The following TRPM3 variants were observed in gnomAD, a reference collection of about 807,000 sequenced individuals.
The protein encoded by TRPM3 is transient receptor potential cation channel subfamily M member 3, also known as long transient receptor potential channel 3.
Under a neutral mutation model 181.2 loss-of-function variants are expected in TRPM3, and 77 were observed. That is an observed-to-expected ratio of 0.42 (90% confidence interval 0.35 to 0.51). TRPM3 has a LOEUF of 0.51. TRPM3 is among the 20% of genes least tolerant of loss of function. The probability of loss-of-function intolerance (pLI) is 0.01; values close to 1 mark genes in which losing one functional copy is unlikely to be tolerated. For synonymous variants in TRPM3, 745 were observed against 796.4 expected (o/e 0.94, Z 1.09); for missense variants, 1,759 against 2,196.7 (o/e 0.80, Z 3.98).
chr9:71,065,148 A>G (rs1331305744), intron 1 of TRPM3, among the ~76,000 whole-genome samples: 1 of 152,152 alleles, frequency 6.6e-6, no homozygotes, highest in African/African-American at 2.4e-5. Context: ...TCTCTGTACA[A>G]TGAACAATGC....
intron 1 of TRPM3, among the ~76,000 whole-genome samples, chr9:70,972,923 G>A (rs1433650384): frequency 6.6e-6 from 1 of 152,068 alleles, no homozygotes; most frequent in Non-Finnish European, 1.5e-5. Context: ...CCCATGTTCT[G>A]ACTTTGGAAT....
intron 22 of TRPM3, among the ~76,000 whole-genome samples, chr9:70,562,489 C>G (rs901676182): frequency 2.0e-5 from 3 of 152,178 alleles, no homozygotes; most frequent in African/African-American, 7.2e-5. Context: ...GGCTTCTGGT[C>G]TATCTGCTAT....
intron 21 of TRPM3, among the ~76,000 whole-genome samples, chr9:70,592,543 T>C (rs1217888178): frequency 6.6e-6 from 1 of 152,150 alleles, no homozygotes; most frequent in Non-Finnish European, 1.5e-5. Flanking sequence ...CATAAGTCAA[T>C]ATATCCCTTC....
chr9:70,827,736 A>T (rs41287377), intron 6 of TRPM3, 111 bp downstream of exon 6: 129,810 of 1,315,750 alleles, frequency 0.099, 7,228 homozygotes, highest in African/African-American at 0.15. Flanking sequence ...ATAATGGTTC[A>T]TGTTTAAAAC....
intron 21 of TRPM3, among the ~76,000 whole-genome samples, chr9:70,592,079 T>C (rs1362984615): frequency 6.6e-6 from 1 of 152,244 alleles, no homozygotes; most frequent in Non-Finnish European, 1.5e-5. Flanking sequence ...CTGTTTCTTA[T>C]ATGCCAAATT....
Position 70,814,558 on chromosome 9 carries a change from G to A in TRPM3, c.973+13289C>T, listed in dbSNP as rs114099548. On this transcript the variant is annotated intron_variant, in intron 6 of 25. Coordinates refer to ENST00000677713, the MANE Select transcript of TRPM3 (RefSeq NM_001366145.2). ...CCATTATAAAATGTAAGCATCAAAT[G>A]TATTACATTGGTCTCATCAGTTTTA... is the stretch of plus-strand genomic sequence containing the variant. Among the ~76,000 whole-genome samples the A allele has an allele frequency of 3.0e-3, 460 of 152,252 alleles. 1 individual carries two copies. The highest frequency in any genetic ancestry group is 9.7e-3 in the African/African-American group (402 of 41,540).
At chr9:70,753,521 T>C (rs772759617) in intron 8 of TRPM3, among the ~76,000 whole-genome samples, 18 of 152,074 alleles carry the variant, frequency 1.2e-4, no homozygotes, top group South Asian at 2.1e-4. Context: ...ATCAGGCACA[T>C]AGAATAGAGT....
chr9:71,200,851 T>C (rs1228440443), intron 1 of TRPM3, among the ~76,000 whole-genome samples: 1 of 151,170 alleles, frequency 6.6e-6, no homozygotes, highest in African/African-American at 2.4e-5. Context: ...TGTCTTTTAA[T>C]TGGAGAATTT....
chr9:70,966,866 A>C (rs1028427855), intron 1 of TRPM3, among the ~76,000 whole-genome samples: 1 of 152,114 alleles, frequency 6.6e-6, no homozygotes, highest in Non-Finnish European at 1.5e-5. Flanking sequence ...AAACCTGCAC[A>C]TGTATCCCTG....
intron 1 of TRPM3, among the ~76,000 whole-genome samples, chr9:71,393,389 A>G (rs1186483143): frequency 6.6e-6 from 1 of 152,186 alleles, no homozygotes; most frequent in Non-Finnish European, 1.5e-5. Flanking sequence ...GTTGAAAAGA[A>G]TAAAATAGAC....
intron 1 of TRPM3, among the ~76,000 whole-genome samples, chr9:71,190,852 G>A (rs1367330517): frequency 6.6e-6 from 1 of 151,790 alleles, no homozygotes; most frequent in Non-Finnish European, 1.5e-5. Flanking sequence ...CTTAAAGAAT[G>A]TGTTCAAATT....
At chr9:71,164,625 G>A (rs906629995) in intron 1 of TRPM3, among the ~76,000 whole-genome samples, 1 of 152,052 alleles carries the variant, frequency 6.6e-6, no homozygotes, top group Non-Finnish European at 1.5e-5. Context: ...AATTGTCAGT[G>A]ATTTTAAGGA....
At chr9:71,091,561 C>T (rs752889360) in intron 1 of TRPM3, among the ~76,000 whole-genome samples, 15 of 152,042 alleles carry the variant, frequency 9.9e-5, no homozygotes, top group Admixed American at 5.2e-4. Flanking sequence ...GGGATCTTGC[C>T]GAGAATGAAT....
At chr9:71,365,673 A>T (rs922340759) in intron 1 of TRPM3, among the ~76,000 whole-genome samples, 1 of 152,148 alleles carries the variant, frequency 6.6e-6, no homozygotes, top group Non-Finnish European at 1.5e-5. Context: ...TGGTATAATG[A>T]CAGAAGAATC....
chr9:70,683,156 G>A (rs1414028441), intron 8 of TRPM3, among the ~76,000 whole-genome samples: 2 of 152,190 alleles, frequency 1.3e-5, no homozygotes, highest in South Asian at 4.1e-4. Context: ...ACGTCCTAAG[G>A]TCAGAGACTG....
At chr9:71,143,297 C>G (rs2134561213) in intron 1 of TRPM3, among the ~76,000 whole-genome samples, 1 of 151,976 alleles carries the variant, frequency 6.6e-6, no homozygotes, top group South Asian at 2.1e-4. Flanking sequence ...GGTATTAAAC[C>G]TAGTACCCAT....
chr9:71,217,007 G>T (rs2079922083), intron 1 of TRPM3, among the ~76,000 whole-genome samples: 1 of 128,356 alleles, frequency 7.8e-6, no homozygotes, highest in Non-Finnish European at 1.6e-5. Flanking sequence ...CTGGAGTGCA[G>T]TGGCGCGATC....
At chr9:71,356,581 T>C (rs371840889) in intron 1 of TRPM3, among the ~76,000 whole-genome samples, 1 of 152,118 alleles carries the variant, frequency 6.6e-6, no homozygotes, top group East Asian at 1.9e-4. Context: ...ACTGTAAAAA[T>C]GGGGATAATA....
At chr9:70,833,996 A>T (rs1180343508) in intron 5 of TRPM3, among the ~76,000 whole-genome samples, 7 of 152,158 alleles carry the variant, frequency 4.6e-5, no homozygotes, top group Admixed American at 2.6e-4. Flanking sequence ...AATGAAAAAA[A>T]AGAAAGGATC....
Sources: allele counts gnomAD v4.1 joint callset (sites outside exome capture counted in the v4.1 genomes callset), GRCh38; gene constraint gnomAD v4.1.1; transcripts MANE v1.5; gene names NCBI Gene and HGNC (gene_info 2026-07-23, HGNC 2026-07-21).